Variants in MTHFS observed in about 807,000 individuals in gnomAD.
MTHFS encodes the protein 5-formyltetrahydrofolate cyclo-ligase.
A neutral mutation model predicts 12.7 loss-of-function variants in MTHFS; 7 were observed. The ratio of observed to expected loss-of-function variants is 0.55; its 90% CI spans 0.31 to 1.03. The LOEUF is 1.03. Among genes scored for constraint, MTHFS ranks in the 50% least tolerant of loss-of-function variants. The probability of loss-of-function intolerance (pLI) is 0.05; values close to 1 mark genes in which losing one functional copy is unlikely to be tolerated. For synonymous variants in MTHFS, 100 were observed against 97.1 expected (o/e 1.03, Z -0.18); for missense variants, 252 against 258.1 (o/e 0.98, Z 0.16).
chr15:79,881,943 C>T (rs568813838), intron 2 of MTHFS, among the ~76,000 whole-genome samples: 2 of 152,316 alleles, frequency 1.3e-5, no homozygotes, highest in South Asian at 4.1e-4. Flanking sequence ...AGTAAGGGTT[C>T]ACTCTCCCTC....
intron 2 of MTHFS, among the ~76,000 whole-genome samples, chr15:79,845,824 GA>G (rs986453569): frequency 2.0e-5 from 3 of 152,106 alleles, no homozygotes; most frequent in Non-Finnish European, 4.4e-5. Flanking sequence ...TGGAGGGCGG[GA>G]AACAGTCAAG....
chr15:79,846,037 C>T (rs1443480993), intron 2 of MTHFS, among the ~76,000 whole-genome samples: 1 of 152,166 alleles, frequency 6.6e-6, no homozygotes, highest in Non-Finnish European at 1.5e-5. Context: ...AAGATGGGGA[C>T]CCACAACTAG....
intron 2 of MTHFS, among the ~76,000 whole-genome samples, chr15:79,856,238 T>C (rs780183333): frequency 1.3e-5 from 2 of 152,232 alleles, no homozygotes; most frequent in Non-Finnish European, 2.9e-5. Context: ...TAGCTCACTG[T>C]GGTTTTGACT....
At position 79,889,324 on chromosome 15, in the gene MTHFS, TG is replaced by T; in HGVS notation, c.147del (p.Arg51GlufsTer6). The T allele has an allele frequency of 8.7e-6, 14 of 1,614,162 alleles. No individual in the cohort carries two copies. Among genetic ancestry groups the T allele is most frequent in the Non-Finnish European group, 1.2e-5 (14 of 1,180,018 alleles). ...ATGCTCAGAAAGATGGAAATTCTTT[TG>T]GACTTTTGATACTCACTGTGGGCAA... Reference protein sequence around the residue: ...KVIAHSEYQKSKRISIFLSMQ... With the variant: ...KVIAHSEYQKXKRISIFLSMQ... On this transcript the variant is annotated frameshift_variant, in exon 2 of 3. Coordinates refer to ENST00000258874, the MANE Select transcript of MTHFS (RefSeq NM_006441.4). LOFTEE classifies it high-confidence loss of function.
At chr15:79,868,160 C>T (rs528016843) in intron 2 of MTHFS, among the ~76,000 whole-genome samples, 2 of 152,284 alleles carry the variant, frequency 1.3e-5, no homozygotes, top group African/African-American at 4.8e-5. Context: ...GCAGACTAAA[C>T]TTAAGTAGGA....
At chr15:79,889,464 AG>A in intron 1 of MTHFS, 110 bp from the exon 2 acceptor site, 3 of 1,338,500 alleles carry the variant, frequency 2.2e-6, no homozygotes, top group African/African-American at 1.5e-5. Flanking sequence ...AATATTAAAA[AG>A]AAAAAAAAAG....
chr15:79,845,610 G>A (rs1380438363), intron 2 of MTHFS, among the ~76,000 whole-genome samples, 168 bp from the exon 3 acceptor site: 2 of 152,142 alleles, frequency 1.3e-5, no homozygotes, highest in South Asian at 2.1e-4. Flanking sequence ...GAAATAAAAC[G>A]TACTCAGCAA....
Position 79,845,004 on chromosome 15 carries a change from T to C in MTHFS, c.*206A>G, listed in dbSNP as rs1188937897. 1 of 695,398 alleles carries C rather than the reference T, an allele frequency of 1.4e-6. No individual in the cohort carries two copies. The highest frequency in any genetic ancestry group is 2.9e-5 in the East Asian group (1 of 34,250). 43.1% of individuals were successfully genotyped at this position (695,398 alleles called of 1,614,324 possible). On this transcript the variant is annotated 3_prime_UTR_variant, in exon 3 of 3. Coordinates refer to ENST00000258874, the MANE Select transcript of MTHFS (RefSeq NM_006441.4). ...AGCTGAAAATCACAGGCTGATAGCC[T>C]CCATTTTAATTAATATTCTACTATT...
chr15:79,885,578 T>C (rs1299063941), intron 2 of MTHFS, among the ~76,000 whole-genome samples: 1 of 152,238 alleles, frequency 6.6e-6, no homozygotes, highest in South Asian at 2.1e-4. Flanking sequence ...ACTTCTTTTC[T>C]TCCTGGTCAC....
intron 2 of MTHFS, among the ~76,000 whole-genome samples, chr15:79,888,519 T>G (rs1276708497): frequency 6.6e-6 from 1 of 152,294 alleles, no homozygotes; most frequent in Non-Finnish European, 1.5e-5. Context: ...TTTCCAGGAA[T>G]GCAGGCAAGA....
At chr15:79,863,881 T>C (rs543858887) in intron 2 of MTHFS, among the ~76,000 whole-genome samples, 1 of 152,338 alleles carries the variant, frequency 6.6e-6, no homozygotes, top group Admixed American at 6.5e-5. Flanking sequence ...TTTTGAAGTT[T>C]TCACTGATAC....
At chr15:79,859,589 G>A (rs538222935) in intron 2 of MTHFS, among the ~76,000 whole-genome samples, 13 of 152,242 alleles carry the variant, frequency 8.5e-5, no homozygotes, top group African/African-American at 2.9e-4. Context: ...AGGCCGAGGC[G>A]GGCAGATCAC....
chr15:79,888,328 G>T (rs901699517), intron 2 of MTHFS, among the ~76,000 whole-genome samples: 19 of 152,172 alleles, frequency 1.2e-4, no homozygotes, highest in African/African-American at 4.6e-4. Flanking sequence ...AGATTAGGAA[G>T]AACCTCGTTA....
In MTHFS at chr15:79,889,083, T is replaced by C. The variant is rs989677814; in HGVS notation, c.379+10A>G. On this transcript the variant is annotated intron_variant, in intron 2 of 2. Coordinates refer to ENST00000258874, the MANE Select transcript of MTHFS (RefSeq NM_006441.4). ...ATAATCTAACAACATCCTAACACCA[T>C]AATACTCACCTGTGGACAAGGCCTC... 9 of 1,613,826 alleles carry C rather than the reference T, an allele frequency of 5.6e-6. No individual in the cohort carries two copies. The highest frequency in any genetic ancestry group is 1.3e-5 in the African/African-American group (1 of 74,908).
intron 2 of MTHFS, among the ~76,000 whole-genome samples, chr15:79,847,363 C>A (rs888351736): frequency 1.3e-5 from 2 of 152,036 alleles, no homozygotes; most frequent in Non-Finnish European, 2.9e-5. Flanking sequence ...CAGCAAAAAA[C>A]CAAATAACCC....
intron 1 of MTHFS, among the ~76,000 whole-genome samples, chr15:79,895,959 C>G (rs1359048803): frequency 6.6e-6 from 1 of 152,188 alleles, no homozygotes; most frequent in Non-Finnish European, 1.5e-5. Flanking sequence ...AATTTTTCTT[C>G]CTCTGGTGTC....
At chr15:79,852,650 C>T (rs540757643) in intron 2 of MTHFS, among the ~76,000 whole-genome samples, 113 of 152,258 alleles carry the variant, frequency 7.4e-4, no homozygotes, top group Non-Finnish European at 1.1e-3. Flanking sequence ...AACACAGATA[C>T]TAACATTTGC....
At chr15:79,846,819 G>A (rs377485428) in intron 2 of MTHFS, among the ~76,000 whole-genome samples, 1 of 152,166 alleles carries the variant, frequency 6.6e-6, no homozygotes, top group East Asian at 1.9e-4. Context: ...TGTTGCCAGA[G>A]CACCATCAGG....
At chr15:79,891,545 A>G (rs2034472178) in intron 1 of MTHFS, among the ~76,000 whole-genome samples, 2 of 152,248 alleles carry the variant, frequency 1.3e-5, no homozygotes, top group South Asian at 4.1e-4. Context: ...AAAACAACTT[A>G]GGAGAAAGCC....
Sources: gnomAD v4.1 joint callset for allele counts (sites outside exome capture counted in the v4.1 genomes callset) on GRCh38, gnomAD v4.1.1 for gene constraint, MANE v1.5 for transcripts, NCBI Gene and HGNC (gene_info 2026-07-23, HGNC 2026-07-21) for gene names.